Variants in VEPH1 observed in about 807,000 individuals in gnomAD.
The protein encoded by VEPH1 is ventricular zone-expressed PH domain-containing protein homolog 1.
A neutral mutation model predicts 85.2 loss-of-function variants in VEPH1; 80 were observed. That is an observed-to-expected ratio of 0.94 (90% confidence interval 0.78 to 1.13). The LOEUF is 1.13. Ranked by LOEUF, VEPH1 falls within the 50% of genes most tolerant of loss-of-function variation. The pLI is 0.00. For missense variants in VEPH1, 955 were observed against 980.5 expected (o/e 0.97, Z 0.35); for synonymous variants, 297 against 348.0 (o/e 0.85, Z 1.63).
At chr3:157,503,152 C>A (rs946896423) in intron 1 of VEPH1, 125 bp downstream of exon 1, 1 of 152,186 alleles carries the variant, frequency 6.6e-6, no homozygotes, top group African/African-American at 2.4e-5. Context: ...AATCAGCCAG[C>A]CCCTGGAAGT....
intron 7 of VEPH1, among the ~76,000 whole-genome samples, chr3:157,364,727 G>A (rs1726442042): frequency 1.3e-5 from 2 of 152,180 alleles, no homozygotes; most frequent in African/African-American, 4.8e-5. Flanking sequence ...GTGTTTATGT[G>A]AACTTTGTAT....
chr3:157,488,936 CTCTCTCTCTT>C (rs1186199493), intron 2 of VEPH1: 23 of 250,580 alleles, frequency 9.2e-5, no homozygotes, highest in Non-Finnish European at 1.8e-4. Flanking sequence ...CTCTCTCTCT[CTCTCTCTCTT>C]TCTCTCTCCC....
chr3:157,467,115 G>C (rs1736446563), intron 3 of VEPH1, among the ~76,000 whole-genome samples: 3 of 127,682 alleles, frequency 2.3e-5, no homozygotes, highest in Non-Finnish European at 5.0e-5. Context: ...AGAAAAGTGT[G>C]TGTGTGTGTA....
chr3:157,357,736 G>T (rs977842112), intron 9 of VEPH1, among the ~76,000 whole-genome samples: 6 of 152,052 alleles, frequency 3.9e-5, no homozygotes, highest in African/African-American at 1.4e-4. Flanking sequence ...CAGGTGATCC[G>T]CCTGCCTTGG....
At chr3:157,491,952 A>G (rs548735226) in intron 2 of VEPH1, among the ~76,000 whole-genome samples, 1 of 152,324 alleles carries the variant, frequency 6.6e-6, no homozygotes, top group Non-Finnish European at 1.5e-5. Flanking sequence ...ATAAATTACA[A>G]TAATAAATTA....
chr3:157,322,785 A>G (rs1721492868), intron 9 of VEPH1, among the ~76,000 whole-genome samples: 1 of 152,186 alleles, frequency 6.6e-6, no homozygotes, highest in Non-Finnish European at 1.5e-5. Context: ...ATTCTTCTTT[A>G]TTGTATTTCA....
chr3:157,381,544 C>G, intron 6 of VEPH1, 168 bp from the exon 7 acceptor site: 1 of 623,760 alleles, frequency 1.6e-6, no homozygotes, highest in Non-Finnish European at 2.8e-6. Flanking sequence ...ATGGTAACAC[C>G]CCATCTCAAC....
chr3:157,287,915 A>G (rs1577245401), intron 11 of VEPH1, among the ~76,000 whole-genome samples: 1 of 152,324 alleles, frequency 6.6e-6, no homozygotes, highest in East Asian at 1.9e-4. Flanking sequence ...CCAATAAATT[A>G]GTTAACTTTT....
chr3:157,271,893 G>C (rs1333436898), intron 12 of VEPH1, among the ~76,000 whole-genome samples: 1 of 152,194 alleles, frequency 6.6e-6, no homozygotes, highest in East Asian at 1.9e-4. Flanking sequence ...AGTGGAAACT[G>C]TATTTCTCAA....
At chr3:157,358,054 A>G (rs1175809321) in intron 9 of VEPH1, among the ~76,000 whole-genome samples, 8 of 152,226 alleles carry the variant, frequency 5.3e-5, no homozygotes, top group Non-Finnish European at 8.8e-5. Context: ...TCAACTCATT[A>G]GAGCAGTTTG....
intron 11 of VEPH1, among the ~76,000 whole-genome samples, chr3:157,296,197 AAC>A (rs1419760677): frequency 6.6e-6 from 1 of 152,258 alleles, no homozygotes; most frequent in Non-Finnish European, 1.5e-5. Context: ...GAATATTTAC[AAC>A]AGTTTCTTTT....
At chr3:157,436,783 C>T (rs1733610413) in intron 4 of VEPH1, 2 of 820,198 alleles carry the variant, frequency 2.4e-6, no homozygotes, top group Non-Finnish European at 3.6e-6. Context: ...GTGCCACCAG[C>T]ATTACTCATT....
intron 5 of VEPH1, among the ~76,000 whole-genome samples, chr3:157,419,360 G>T (rs148195965): frequency 0.013 from 2,022 of 152,272 alleles, 39 homozygotes; most frequent in African/African-American, 0.044. Flanking sequence ...CACAGCAAAA[G>T]AAACTATCAT....
chr3:157,287,242 G>A (rs2108375849), intron 11 of VEPH1, among the ~76,000 whole-genome samples: 1 of 152,196 alleles, frequency 6.6e-6, no homozygotes, highest in African/African-American at 2.4e-5. Flanking sequence ...AGGCATGGTG[G>A]TATATGCCTG....
At chr3:157,280,517 G>A (rs1217699172) in intron 12 of VEPH1, among the ~76,000 whole-genome samples, 1 of 152,152 alleles carries the variant, frequency 6.6e-6, no homozygotes, top group Non-Finnish European at 1.5e-5. Context: ...CCTGAGGGGT[G>A]TTAGGTTACT....
intron 12 of VEPH1, among the ~76,000 whole-genome samples, chr3:157,271,687 G>C (rs1714570840): frequency 6.6e-6 from 1 of 152,080 alleles, no homozygotes; most frequent in African/African-American, 2.4e-5. Context: ...GTGGTGGAAG[G>C]TACCTGAAAG....
Position 157,259,774 on chromosome 3 carries a change from G to GAGTCC in VEPH1, c.*1359_*1360insGGACT, listed in dbSNP as rs1191917741. 12 of 152,138 alleles carry GAGTCC rather than the reference G, an allele frequency of 7.9e-5. No individual in the cohort carries two copies. The highest frequency in any genetic ancestry group is 1.3e-4 in the Non-Finnish European group (9 of 68,014). The allele number at this position is 152,138 out of a possible 1,614,324, so 9.4% of individuals were successfully genotyped here. A position where few individuals can be genotyped will look rare whatever the true frequency, so the allele number is the denominator to read the frequency against. Reference sequence around the variant, plus strand: ...TTAAAACAGCATACATTTATTATCTGAAAGTTTCTGTGGGTCAGGAGTCCA... The same window carrying GAGTCC: ...TTAAAACAGCATACATTTATTATCTGAGTCCAAAGTTTCTGTGGGTCAGGAGTCCA... On this transcript the variant is annotated 3_prime_UTR_variant, in exon 14 of 14. Coordinates refer to ENST00000362010, the MANE Select transcript of VEPH1 (RefSeq NM_001167912.2).
At chr3:157,267,344 A>ATCCATCCG (rs541625599) in intron 12 of VEPH1, among the ~76,000 whole-genome samples, 3,360 of 150,066 alleles carry the variant, frequency 0.022, 129 homozygotes, top group African/African-American at 0.078. Context: ...TGATCCATCC[A>ATCCATCCG]CCCTGGCGTC....
chr3:157,486,485 C>CAAAAAA (rs576141960), intron 2 of VEPH1, among the ~76,000 whole-genome samples: 9 of 118,370 alleles, frequency 7.6e-5, no homozygotes, highest in African/African-American at 2.1e-4. Context: ...GACTCTGACT[C>CAAAAAA]AAAAAAAAAA....
Sources: gnomAD v4.1 joint callset for allele counts (sites outside exome capture counted in the v4.1 genomes callset) on GRCh38, gnomAD v4.1.1 for gene constraint, MANE v1.5 for transcripts, NCBI Gene and HGNC (gene_info 2026-07-23, HGNC 2026-07-21) for gene names.